The following FBLN5 variants were observed in gnomAD, a reference collection of about 807,000 sequenced individuals.
FBLN5 encodes fibulin-5.
Under a neutral mutation model 61.6 loss-of-function variants are expected in FBLN5, and 24 were observed. That is an observed-to-expected ratio of 0.39 (90% confidence interval 0.28 to 0.55). The LOEUF (loss-of-function observed/expected upper bound fraction) is 0.55. Ranked by LOEUF, FBLN5 falls within the 20% of genes least tolerant of loss-of-function variation. FBLN5 has a pLI of 0.65. For synonymous variants in FBLN5, 213 were observed against 219.8 expected (o/e 0.97, Z 0.27); for missense variants, 470 against 594.1 (o/e 0.79, Z 2.17).
intron 4 of FBLN5, among the ~76,000 whole-genome samples, chr14:91,908,146 A>T (rs1890763850): frequency 6.6e-6 from 1 of 152,208 alleles, no homozygotes; most frequent in South Asian, 2.1e-4. Flanking sequence ...GACGCAATGT[A>T]CTTCACACTT....
At chr14:91,915,176 TA>T (rs964981867) in intron 4 of FBLN5, among the ~76,000 whole-genome samples, 50 of 133,026 alleles carry the variant, frequency 3.8e-4, no homozygotes, top group Non-Finnish European at 4.8e-4. Context: ...TAAAAAATAA[TA>T]AAAAAAAAAG....
At chr14:91,902,338 A>G (rs1890495750) in intron 4 of FBLN5, among the ~76,000 whole-genome samples, 1 of 150,936 alleles carries the variant, frequency 6.6e-6, no homozygotes, top group South Asian at 2.1e-4. Flanking sequence ...CATGAATGTA[A>G]AGCAAACAGA....
intron 7 of FBLN5, among the ~76,000 whole-genome samples, chr14:91,883,664 A>C (rs112955747): frequency 6.7e-5 from 10 of 148,394 alleles, no homozygotes; most frequent in South Asian, 2.1e-4. Flanking sequence ...AAACAAAAAA[A>C]ACACACACAC....
intron 2 of FBLN5, chr14:91,942,189 A>G (rs2056116089): frequency 2.2e-6 from 1 of 455,866 alleles, no homozygotes; most frequent in South Asian, 1.5e-5. Flanking sequence ...TGCTTAAAAT[A>G]AAGTCCAGGA....
At chr14:91,885,444 T>G (rs1324839264) in intron 7 of FBLN5, among the ~76,000 whole-genome samples, 1 of 151,926 alleles carries the variant, frequency 6.6e-6, no homozygotes, top group African/African-American at 2.4e-5. Flanking sequence ...TGTTGTGGGG[T>G]AGGCAGGAAT....
intron 9 of FBLN5, among the ~76,000 whole-genome samples, chr14:91,878,377 C>T (rs1202983078): frequency 6.6e-6 from 1 of 152,176 alleles, no homozygotes. Context: ...AAATCACTGA[C>T]TTTTACTACC....
At position 91,928,090 on chromosome 14, in the gene FBLN5, C is replaced by G. The variant is rs899043018; in HGVS notation, c.379+8857G>C. On this transcript the variant is annotated intron_variant, in intron 4 of 10. Coordinates refer to ENST00000342058, the MANE Select transcript of FBLN5 (RefSeq NM_006329.4). ...TGCCAATAACCAAAGCCATCTACCA[C>G]TGAGGGTGGAAGGGACTTCCTCACA... 5.3e-5 allele frequency among the ~76,000 whole-genome samples: 8 copies of G among 152,328 alleles called. No individual in the cohort carries two copies. In the East Asian group the frequency reaches 7.7e-4, roughly 15 times the overall value.
At chr14:91,922,757 C>T (rs2055761937) in intron 4 of FBLN5, among the ~76,000 whole-genome samples, 1 of 152,154 alleles carries the variant, frequency 6.6e-6, no homozygotes, top group Admixed American at 6.5e-5. Context: ...GTGTTTTGCT[C>T]CAGCTGCTTG....
At chr14:91,874,717 T>C (rs1889090014) in intron 10 of FBLN5, 1 of 152,270 alleles carries the variant, frequency 6.6e-6, no homozygotes, top group Non-Finnish European at 1.5e-5. Context: ...TTGCTGCTGA[T>C]GCTGTGTGTG....
At chr14:91,894,421 A>C (rs1010874298) in intron 5 of FBLN5, among the ~76,000 whole-genome samples, 2 of 143,858 alleles carry the variant, frequency 1.4e-5, no homozygotes, top group East Asian at 2.1e-4. Flanking sequence ...AAAAAAAAAA[A>C]AAAAAACCGA....
intron 4 of FBLN5, among the ~76,000 whole-genome samples, chr14:91,899,610 A>G (rs1012573901): frequency 6.6e-6 from 1 of 152,142 alleles, no homozygotes; most frequent in Non-Finnish European, 1.5e-5. Flanking sequence ...ACCCATCAAT[A>G]TCACCTCCTC....
intron 10 of FBLN5, 94 bp from the exon 11 acceptor site, chr14:91,870,479 TGG>T: frequency 8.0e-7 from 1 of 1,254,710 alleles, no homozygotes; most frequent in Non-Finnish European, 1.2e-6. Flanking sequence ...TCAGTCAAAC[TGG>T]CACCCCCTCG....
intron 6 of FBLN5, among the ~76,000 whole-genome samples, chr14:91,889,663 A>T (rs1889896834): frequency 6.6e-6 from 1 of 152,250 alleles, no homozygotes; most frequent in African/African-American, 2.4e-5. Flanking sequence ...TCTAGCGTGT[A>T]CAGCACTCTT....
intron 4 of FBLN5, among the ~76,000 whole-genome samples, chr14:91,919,577 G>A (rs2055698635): frequency 6.6e-6 from 1 of 152,158 alleles, no homozygotes; most frequent in Non-Finnish European, 1.5e-5. Flanking sequence ...TGCAATTGGG[G>A]ACAGGGTCTT....
chr14:91,878,837 C>T (rs1375902273), intron 9 of FBLN5, among the ~76,000 whole-genome samples: 2 of 152,210 alleles, frequency 1.3e-5, no homozygotes, highest in African/African-American at 4.8e-5. Context: ...AGTATGGTGT[C>T]TCATGCCTAT....
Position 91,935,103 on chromosome 14 carries a change from T to C in FBLN5, c.379+1844A>G, listed in dbSNP as rs571887216. On this transcript the variant is annotated intron_variant, in intron 4 of 10. Coordinates refer to ENST00000342058, the MANE Select transcript of FBLN5 (RefSeq NM_006329.4). ...GCCAGTCCTCACTAGGGCTCCTAGATTGTATTCTCCTTACAAAAGGGCCAT... is the reference window on the plus strand; with the variant it reads ...GCCAGTCCTCACTAGGGCTCCTAGACTGTATTCTCCTTACAAAAGGGCCAT... Among the ~76,000 whole-genome samples, 5 of 152,340 alleles carry C rather than the reference T, an allele frequency of 3.3e-5. No individual in the cohort carries two copies. The East Asian group carries it at 5.8e-4, about 18-fold the overall frequency.
intron 4 of FBLN5, among the ~76,000 whole-genome samples, chr14:91,935,519 C>G (rs1299957476): frequency 6.6e-6 from 1 of 152,220 alleles, no homozygotes; most frequent in African/African-American, 2.4e-5. Flanking sequence ...ACCTCTATCT[C>G]TGCATTTTCT....
At chr14:91,905,582 T>G (rs1890649358) in intron 4 of FBLN5, among the ~76,000 whole-genome samples, 1 of 1,472 alleles carries the variant, frequency 6.8e-4, no homozygotes. Context: ...GAATATGAGC[T>G]TTTTTTTTTT....
At chr14:91,905,705 G>A (rs572720167) in intron 4 of FBLN5, among the ~76,000 whole-genome samples, 37 of 150,808 alleles carry the variant, frequency 2.5e-4, no homozygotes, top group East Asian at 2.4e-3. Flanking sequence ...TCAGCCTCCC[G>A]AGTAGCTGGA....
Sources: allele counts gnomAD v4.1 joint callset (sites outside exome capture counted in the v4.1 genomes callset), GRCh38; gene constraint gnomAD v4.1.1; transcripts MANE v1.5; gene names NCBI Gene and HGNC (gene_info 2026-07-23, HGNC 2026-07-21).